Variants in RNF212B observed in about 807,000 individuals in gnomAD.
RNF212B encodes E3 ubiquitin-protein ligase RNF212B.
A neutral mutation model predicts 55.5 loss-of-function variants in RNF212B; 52 were observed. The ratio of observed to expected loss-of-function variants is 0.94; its 90% CI spans 0.75 to 1.18. The LOEUF (loss-of-function observed/expected upper bound fraction) is 1.18, where lower values mean the gene tolerates loss of function less well. RNF212B is among the 50% of genes most tolerant of loss of function. The pLI, the probability that RNF212B is intolerant of heterozygous loss-of-function variation, is 0.00. For missense variants in RNF212B, 289 were observed against 350.4 expected (o/e 0.82, Z 1.40); for synonymous variants, 99 against 121.4 (o/e 0.82, Z 1.21).
At chr14:23,212,030 A>G (rs1327771467) in intron 2 of RNF212B, among the ~76,000 whole-genome samples, 4 of 152,180 alleles carry the variant, frequency 2.6e-5, no homozygotes. Context: ...GCCTGACCAA[A>G]AAAGAAAAAT....
intron 2 of RNF212B, among the ~76,000 whole-genome samples, chr14:23,220,046 T>C (rs1354300723): frequency 6.6e-6 from 1 of 151,722 alleles, no homozygotes; most frequent in Non-Finnish European, 1.5e-5. Context: ...TAGCCAGACA[T>C]GGTGGCACAT....
At position 23,254,642 on chromosome 14, in the gene RNF212B, C is replaced by T. The variant is rs1402346946; in HGVS notation, c.229-3907C>T. Among the ~76,000 whole-genome samples the T allele has an allele frequency of 2.0e-5, 3 of 152,202 alleles. No homozygotes were observed. The East Asian group carries it at 5.8e-4, about 29-fold the overall frequency. ...CTCCTGAGTTCAAGATATCTGCCCA[C>T]CTTGGCTTCCCAAAGTGCCAAGATT... On this transcript the variant is annotated intron_variant, in intron 4 of 14. Transcript: ENST00000430154.
intron 13 of RNF212B, 88 bp from the exon 14 acceptor site, chr14:23,270,512 G>C: frequency 1.2e-6 from 1 of 853,312 alleles, no homozygotes; most frequent in South Asian, 1.4e-5. Flanking sequence ...GTTCCTTTAA[G>C]AACTACCTCA....
At chr14:23,234,708 T>G (rs1882973403), upstream of RNF212B, among the ~76,000 whole-genome samples, 1 of 152,250 alleles carries the variant, frequency 6.6e-6, no homozygotes, top group African/African-American at 2.4e-5. Context: ...ATAATATATT[T>G]TAATATTGGA....
chr14:23,243,360 A>G (rs1594924309), intron 3 of RNF212B, 52 bp downstream of exon 3: 1 of 1,407,550 alleles, frequency 7.1e-7, no homozygotes, highest in South Asian at 1.2e-5. Flanking sequence ...CCTGGCCTGT[A>G]GGAAGTATAT....
At chr14:23,268,616 C>G (rs1399425578) in intron 11 of RNF212B, among the ~76,000 whole-genome samples, 4 of 152,086 alleles carry the variant, frequency 2.6e-5, no homozygotes. Flanking sequence ...TCACTCCTAG[C>G]TAATTTTTGT....
At chr14:23,192,566 T>C (rs1415154000) in intron 1 of RNF212B, among the ~76,000 whole-genome samples, 1 of 150,436 alleles carries the variant, frequency 6.6e-6, no homozygotes, top group East Asian at 2.0e-4. Context: ...GGGATAGCAT[T>C]AGGAGATATA....
chr14:23,223,362 CTT>C (rs35659718), intron 2 of RNF212B, among the ~76,000 whole-genome samples: 1 of 146,568 alleles, frequency 6.8e-6, no homozygotes, highest in Non-Finnish European at 1.5e-5. Context: ...AAAGCCTTTC[CTT>C]TTTTTTTTTG....
intron 2 of RNF212B, among the ~76,000 whole-genome samples, chr14:23,223,808 T>C (rs540930496): frequency 6.6e-6 from 1 of 152,318 alleles, no homozygotes; most frequent in South Asian, 2.1e-4. Flanking sequence ...TTATCCTTGT[T>C]TGCAGTTGTC....
At chr14:23,232,706 C>T (rs1315222657) in intron 2 of RNF212B, among the ~76,000 whole-genome samples, 1 of 150,056 alleles carries the variant, frequency 6.7e-6, no homozygotes, top group East Asian at 2.1e-4. Flanking sequence ...TCAGCCCCCG[C>T]CCGGCCAGCC....
intron 2 of RNF212B, among the ~76,000 whole-genome samples, chr14:23,232,595 TG>T (rs1300491887): frequency 1.4e-5 from 2 of 143,356 alleles, no homozygotes; most frequent in East Asian, 4.3e-4. Flanking sequence ...GGGAGGGAGT[TG>T]GGGGGTCAGC....
chr14:23,243,717 AAAGCAAGCAAGC>A (rs1555316871), intron 3 of RNF212B, among the ~76,000 whole-genome samples: 2 of 116,848 alleles, frequency 1.7e-5, no homozygotes, highest in Middle Eastern at 4.2e-3. Flanking sequence ...AAAAAAAAAA[AAAGCAAGCAAGC>A]AAGCAAGCAA....
At chr14:23,227,917 T>C (rs118080461) in intron 2 of RNF212B, among the ~76,000 whole-genome samples, 1,720 of 149,120 alleles carry the variant, frequency 0.012, 34 homozygotes, top group Non-Finnish European at 0.013. Flanking sequence ...GTTCTAAAAA[T>C]ATAAAAGTTT....
In RNF212B at chr14:23,199,292, T is replaced by G. The variant is rs1022521525; in HGVS notation, c.-2+5891T>G. 3.9e-5 allele frequency among the ~76,000 whole-genome samples: 6 copies of G among 152,282 alleles called. No individual in the cohort carries two copies. The East Asian group carries it at 7.7e-4, about 20-fold the overall frequency. ...TTCAGTCTGGAAAGGCAGGAAGACT[T>G]GAAGTGGGGAGGAGGCTTCCAGGTC... On this transcript the variant is annotated intron_variant, in intron 2 of 15. Coordinates refer to the RNF212B transcript ENST00000399910.
At chr14:23,246,465 GC>G (rs1239498966) in intron 4 of RNF212B, among the ~76,000 whole-genome samples, 3 of 151,990 alleles carry the variant, frequency 2.0e-5, no homozygotes, top group African/African-American at 7.3e-5. Flanking sequence ...CTAACTTATA[GC>G]TTTATTTCTT....
At chr14:23,190,008 G>A (rs1473364331) in intron 1 of RNF212B, among the ~76,000 whole-genome samples, 2 of 152,090 alleles carry the variant, frequency 1.3e-5, no homozygotes, top group African/African-American at 4.8e-5. Flanking sequence ...GACCACCGGT[G>A]GTCCAATCTA....
chr14:23,254,061 T>C (rs1050616582), intron 4 of RNF212B, among the ~76,000 whole-genome samples: 18 of 152,136 alleles, frequency 1.2e-4, no homozygotes, highest in African/African-American at 4.1e-4. Flanking sequence ...GGAGAACGGC[T>C]AGATCCCAGG....
Position 23,259,781 on chromosome 14 carries a change from A to C in RNF212B, c.345-103A>C, listed in dbSNP as rs1885163671. 9 of 510,408 alleles carry C rather than the reference A, an allele frequency of 1.8e-5. No homozygotes were observed. In the South Asian group the frequency reaches 3.9e-4, roughly 22 times the overall value. 31.6% of individuals were successfully genotyped at this position (510,408 alleles called of 1,614,324 possible). A position where few individuals can be genotyped will look rare whatever the true frequency, so the allele number is the denominator to read the frequency against. On this transcript the variant is annotated intron_variant, in intron 5 of 14. Coordinates refer to ENST00000430154, the MANE Select transcript of RNF212B (RefSeq NM_001282322.3). ...AGAAATAGCTTGTATAGCTGCAAGCATTTCTCAGTAAGTATTAACTAGATG... is the reference window on the plus strand; with the variant it reads ...AGAAATAGCTTGTATAGCTGCAAGCCTTTCTCAGTAAGTATTAACTAGATG...
At chr14:23,192,678 AG>A (rs1164615982) in intron 1 of RNF212B, among the ~76,000 whole-genome samples, 1 of 152,206 alleles carries the variant, frequency 6.6e-6, no homozygotes, top group Non-Finnish European at 1.5e-5. Flanking sequence ...TAGAACTTAA[AG>A]TATAATAATA....
Sources: gnomAD v4.1 joint callset for allele counts (sites outside exome capture counted in the v4.1 genomes callset) on GRCh38, gnomAD v4.1.1 for gene constraint, MANE v1.5 for transcripts, NCBI Gene and HGNC (gene_info 2026-07-23, HGNC 2026-07-21) for gene names.